The following EEF2K variants were observed in gnomAD, a reference collection of about 807,000 sequenced individuals.
EEF2K encodes the protein eukaryotic elongation factor 2 kinase, also known as alternative protein EEF2K.
EEF2K carries 70 observed loss-of-function variants against 93.8 expected under a neutral mutation model. The observed-to-expected ratio is 0.75, with a 90% CI of 0.62 to 0.91. EEF2K has a LOEUF of 0.91. EEF2K is among the 40% of genes least tolerant of loss of function. The pLI, the probability that EEF2K is intolerant of heterozygous loss-of-function variation, is 0.00. For missense variants in EEF2K, 935 were observed against 972.9 expected (o/e 0.96, Z 0.52); for synonymous variants, 376 against 380.8 (o/e 0.99, Z 0.15).
chr16:22,261,118 A>G (rs2047457905), intron 11 of EEF2K, among the ~76,000 whole-genome samples: 1 of 152,158 alleles, frequency 6.6e-6, no homozygotes, highest in African/African-American at 2.4e-5. Context: ...CATGCCTATA[A>G]TCCCAGCACT....
At chr16:22,212,216 A>G (rs1222258587) in intron 1 of EEF2K, among the ~76,000 whole-genome samples, 1 of 152,238 alleles carries the variant, frequency 6.6e-6, no homozygotes, top group Non-Finnish European at 1.5e-5. Flanking sequence ...CAGAAAACAC[A>G]GTGTACTGCA....
At chr16:22,242,841 C>T (rs950437097) in intron 2 of EEF2K, among the ~76,000 whole-genome samples, 4 of 151,956 alleles carry the variant, frequency 2.6e-5, no homozygotes, top group African/African-American at 9.7e-5. Context: ...TGTGTAAAGG[C>T]GGCGTATCCT....
intron 4 of EEF2K, among the ~76,000 whole-genome samples, chr16:22,249,392 T>C (rs2047327159): frequency 6.6e-6 from 1 of 152,058 alleles, no homozygotes; most frequent in South Asian, 2.1e-4. Flanking sequence ...TAGTGTAATA[T>C]ACAATATACA....
intron 15 of EEF2K, 88 bp from the exon 16 acceptor site, chr16:22,273,538 G>A: frequency 5.2e-6 from 8 of 1,548,998 alleles, no homozygotes; most frequent in Non-Finnish European, 7.0e-6. Flanking sequence ...TCAAAAAACA[G>A]GGTGAAGATT....
chr16:22,221,114 AG>A (rs2047007462), intron 1 of EEF2K, among the ~76,000 whole-genome samples: 1 of 152,228 alleles, frequency 6.6e-6, no homozygotes, highest in Non-Finnish European at 1.5e-5. Context: ...CGGTGAGTAT[AG>A]AAATCAATGT....
At position 22,258,674 on chromosome 16, in the gene EEF2K, A is replaced by G. The variant is rs975392237; in HGVS notation, c.1210A>G (p.Ser404Gly). 6.2e-6 allele frequency: 10 copies of G among 1,614,144 alleles called. No homozygotes were observed. The highest frequency in any genetic ancestry group is 8.5e-6 in the Non-Finnish European group (10 of 1,180,038). Residue 404 changes from serine (S) to glycine (G), a missense_variant, in exon 10 of 18, where the codon AGC becomes GGC. Physicochemically the swap from Ser to Gly is moderately conservative, Grantham distance 56. Coordinates refer to ENST00000263026, the MANE Select transcript of EEF2K (RefSeq NM_013302.5). ...PSSPSSATPHSQKLDHLHWPV... is the reference protein window; with the variant it reads ...PSSPSSATPHGQKLDHLHWPV... Reference sequence around the variant, plus strand: ...TTCCCCATCTTCGGCCACACCACACAGCCAGAAGCTAGACCACCTCCGTGA... The same window carrying G: ...TTCCCCATCTTCGGCCACACCACACGGCCAGAAGCTAGACCACCTCCGTGA...
chr16:22,222,279 T>G (rs1228451609), intron 1 of EEF2K, among the ~76,000 whole-genome samples: 2 of 151,726 alleles, frequency 1.3e-5, no homozygotes, highest in Non-Finnish European at 2.9e-5. Context: ...CTGCAGCCTC[T>G]GGGCTCACTT....
chr16:22,283,658 A>G (rs1336553431), intron 17 of EEF2K, among the ~76,000 whole-genome samples: 1 of 152,140 alleles, frequency 6.6e-6, no homozygotes, highest in Non-Finnish European at 1.5e-5. Flanking sequence ...ATCTGGACCA[A>G]TCGCTGTAGC....
intron 1 of EEF2K, among the ~76,000 whole-genome samples, chr16:22,208,803 AT>A (rs1408197560): frequency 6.6e-6 from 1 of 152,098 alleles, no homozygotes; most frequent in African/African-American, 2.4e-5. Context: ...AGAGAAAGCT[AT>A]GGGTCACCAG....
At position 22,244,772 on chromosome 16, in the gene EEF2K, T is replaced by A. The variant is rs773981065; in HGVS notation, c.347+42T>A. On this transcript the variant is annotated intron_variant, in intron 3 of 17. Coordinates refer to ENST00000263026, the MANE Select transcript of EEF2K (RefSeq NM_013302.5). ...GGGTCTCGAGGAGTCCTGGGGGCTA[T>A]ACGTCCAGCTTCTGTTCCCAATCAG... The A allele has an allele frequency of 1.9e-6, 3 of 1,600,786 alleles. No homozygotes were observed. The South Asian group carries it at 3.3e-5, about 18-fold the overall frequency.
intron 3 of EEF2K, 78 bp downstream of exon 3, chr16:22,244,808 G>C: frequency 2.1e-6 from 3 of 1,447,152 alleles, no homozygotes; most frequent in Non-Finnish European, 2.9e-6. Context: ...TGAGGCCTAA[G>C]TACTCTTGGG....
In EEF2K at chr16:22,258,629, A is replaced by G; in HGVS notation, c.1165A>G (p.Thr389Ala). The G allele has an allele frequency of 6.2e-7, 1 of 1,614,108 alleles. No homozygotes were observed. The highest frequency in any genetic ancestry group is 1.1e-5 in the South Asian group (1 of 91,082). Residue 389 changes from threonine to alanine, a missense_variant, in exon 10 of 18, where the codon ACC becomes GCC. Transcript: ENST00000263026. The part of the protein sequence containing the change: ...NSGDENMSDV[T>A]FDSLPSSPSS... ...TGGAGACGAGAACATGAGCGACGTGACCTTCGACTCTCTCCCTTCTTCCCC... is the reference window on the plus strand; with the variant it reads ...TGGAGACGAGAACATGAGCGACGTGGCCTTCGACTCTCTCCCTTCTTCCCC...
chr16:22,255,150 C>G (rs1161356052), intron 6 of EEF2K, among the ~76,000 whole-genome samples: 1 of 152,170 alleles, frequency 6.6e-6, no homozygotes, highest in African/African-American at 2.4e-5. Context: ...CTGAGACCCT[C>G]TTTATGCAGG....
At chr16:22,208,610 A>G (rs528948251) in intron 1 of EEF2K, among the ~76,000 whole-genome samples, 3 of 152,052 alleles carry the variant, frequency 2.0e-5, no homozygotes, top group African/African-American at 4.8e-5. Flanking sequence ...TTACGGATAT[A>G]TCACTGGCTG....
intron 2 of EEF2K, among the ~76,000 whole-genome samples, chr16:22,228,803 C>G (rs2047088665): frequency 6.6e-6 from 1 of 152,130 alleles, no homozygotes; most frequent in African/African-American, 2.4e-5. Context: ...TACAGAAATA[C>G]GCGGGGGTCT....
chr16:22,245,487 C>T (rs1833302611), intron 3 of EEF2K, among the ~76,000 whole-genome samples: 1 of 151,920 alleles, frequency 6.6e-6, no homozygotes, highest in African/African-American at 2.4e-5. Flanking sequence ...CTTGTTTTTC[C>T]CGGTGGAGGC....
chr16:22,283,937 C>A lies in EEF2K; in HGVS notation c.2119C>A (p.Arg707=). 6.2e-7 allele frequency: 1 copy of A among 1,600,162 alleles called. No homozygotes were observed. The highest frequency in any genetic ancestry group is 8.5e-7 in the Non-Finnish European group (1 of 1,173,650). The change falls in exon 18 of 18, where the codon CGA becomes AGA. Residue 707 remains arginine, a synonymous_variant. Transcript: ENST00000263026. Reference sequence around the variant, plus strand: ...GGCAGCGATGGAAGCCATGAAGGGCCGACTGGCCAACCAGTACTACCAAAA... The same window carrying A: ...GGCAGCGATGGAAGCCATGAAGGGCAGACTGGCCAACCAGTACTACCAAAA... ...AEAAMEAMKG[R]LANQYYQKAE...
intron 12 of EEF2K, among the ~76,000 whole-genome samples, chr16:22,264,027 C>T (rs1409059546): frequency 6.6e-6 from 1 of 152,064 alleles, no homozygotes; most frequent in Admixed American, 6.6e-5. Flanking sequence ...GGCGTGGTGG[C>T]TTATGCCTGT....
intron 1 of EEF2K, among the ~76,000 whole-genome samples, chr16:22,216,032 C>T (rs969790502): frequency 6.6e-6 from 1 of 152,140 alleles, no homozygotes; most frequent in Non-Finnish European, 1.5e-5. Context: ...CAGTGCAGAC[C>T]TTAGGATGTC....
Sources: allele counts gnomAD v4.1 joint callset (sites outside exome capture counted in the v4.1 genomes callset), GRCh38; gene constraint gnomAD v4.1.1; transcripts MANE v1.5; gene names NCBI Gene and HGNC (gene_info 2026-07-23, HGNC 2026-07-21).